Variants in PCDHGA1 observed in about 807,000 individuals in gnomAD.
The protein encoded by PCDHGA1 is protocadherin gamma-A1.
In PCDHGA1, 32 loss-of-function variants were observed where a neutral mutation model predicts 58.0. The observed-to-expected ratio is 0.55, with a 90% CI of 0.42 to 0.74. The LOEUF (loss-of-function observed/expected upper bound fraction) is 0.74. PCDHGA1 is among the 30% of genes least tolerant of loss of function. The probability of loss-of-function intolerance (pLI) is 0.00; values close to 1 mark genes in which losing one functional copy is unlikely to be tolerated. For synonymous variants in PCDHGA1, 498 were observed against 501.1 expected, an observed-to-expected ratio of 0.99 and a Z score of 0.08; for missense variants, 1,205 against 1,182.3, an observed-to-expected ratio of 1.02 and a Z score of -0.28.
At chr5:141,388,487 C>T in intron 1 of PCDHGA1, 1 of 1,613,776 alleles carries the variant, frequency 6.2e-7, no homozygotes, top group Non-Finnish European at 8.5e-7. Flanking sequence ...CACCTTTGGA[C>T]AGAGAAAAGC....
intron 2 of PCDHGA1, among the ~76,000 whole-genome samples, chr5:141,502,625 T>G (rs2099815384): frequency 6.6e-6 from 1 of 152,210 alleles, no homozygotes; most frequent in Admixed American, 6.5e-5. Context: ...ATAAGTAATC[T>G]GTGGATGATA....
chr5:141,385,131 C>A lies in PCDHGA1; in HGVS notation c.2421+52026C>A, dbSNP rs371376308. Reference sequence around the variant, plus strand: ...CCACCTCGCACTTTGTGGGCATGGACGGGGTGCAGGCTTTCCTGCAGACCT... The same window carrying A: ...CCACCTCGCACTTTGTGGGCATGGAAGGGGTGCAGGCTTTCCTGCAGACCT... On this transcript the variant is annotated intron_variant, in intron 1 of 3. Transcript: ENST00000517417. The A allele has an allele frequency of 1.2e-6, 2 of 1,614,200 alleles. No homozygotes were observed. Among genetic ancestry groups the A allele is most frequent in the Non-Finnish European group, 1.7e-6 (2 of 1,180,056 alleles).
At chr5:141,339,881 A>G in intron 1 of PCDHGA1, 3 of 1,614,212 alleles carry the variant, frequency 1.9e-6, no homozygotes, top group Middle Eastern at 1.6e-4. Context: ...ACTGACAATC[A>G]TAAAAGATCT....
intron 1 of PCDHGA1, chr5:141,339,355 T>A (rs1196465666): frequency 6.2e-7 from 1 of 1,614,088 alleles, no homozygotes; most frequent in Non-Finnish European, 8.5e-7. Flanking sequence ...ATATTAACGA[T>A]AATGCCCCTC....
At chr5:141,404,248 G>C (rs1404333144) in intron 1 of PCDHGA1, 10 of 1,613,694 alleles carry the variant, frequency 6.2e-6, no homozygotes, top group South Asian at 1.1e-5. Context: ...CTCCGCCCCT[G>C]TCCACAGAAA....
intron 1 of PCDHGA1, chr5:141,374,957 TTC>T (rs1770979960): frequency 6.2e-7 from 1 of 1,613,926 alleles, no homozygotes; most frequent in Non-Finnish European, 8.5e-7. Context: ...CTCACAAATT[TTC>T]TGTTTGAATG....
intron 1 of PCDHGA1, chr5:141,365,993 C>T (rs1267153888): frequency 6.2e-7 from 1 of 1,614,110 alleles, no homozygotes; most frequent in Non-Finnish European, 8.5e-7. Context: ...TGTGCTGGAC[C>T]AGAACGACAA....
At chr5:141,430,425 A>G (rs1298131518) in intron 1 of PCDHGA1, among the ~76,000 whole-genome samples, 3 of 152,076 alleles carry the variant, frequency 2.0e-5, no homozygotes, top group Non-Finnish European at 4.4e-5. Context: ...TAAAGCGAAT[A>G]CGGTAGATTT....
chr5:141,386,043 T>A (rs1356183154), intron 1 of PCDHGA1: 7 of 152,254 alleles, frequency 4.6e-5, no homozygotes, highest in Admixed American at 1.3e-4. Context: ...GGCAATTACA[T>A]GTTTTAACAG....
intron 1 of PCDHGA1, chr5:141,420,156 AT>A (rs755916873): frequency 6.2e-7 from 1 of 1,613,990 alleles, no homozygotes; most frequent in African/African-American, 1.3e-5. Flanking sequence ...CCAGAATTTA[AT>A]TTTTTCACAT....
At chr5:141,437,761 C>T (rs1200327020) in intron 1 of PCDHGA1, among the ~76,000 whole-genome samples, 1 of 144,680 alleles carries the variant, frequency 6.9e-6, no homozygotes, top group African/African-American at 2.6e-5. Context: ...TTTTTTGAGA[C>T]AGAGTCTCAA....
chr5:141,409,293 T>G, intron 1 of PCDHGA1: 1 of 1,613,992 alleles, frequency 6.2e-7, no homozygotes, highest in Non-Finnish European at 8.5e-7. Flanking sequence ...CCTCCAGGAA[T>G]GGTTGTTGCC....
intron 1 of PCDHGA1, among the ~76,000 whole-genome samples, chr5:141,368,620 T>A (rs1220390721): frequency 1.3e-5 from 2 of 152,198 alleles, no homozygotes; most frequent in Non-Finnish European, 2.9e-5. Context: ...TTTGGGTACA[T>A]TTCTTCTGAG....
chr5:141,360,577 C>T (rs546241238), intron 1 of PCDHGA1: 3 of 1,613,934 alleles, frequency 1.9e-6, no homozygotes, highest in East Asian at 4.5e-5. Context: ...ATCCACTAAG[C>T]CAGGTACAAC....
At chr5:141,364,871 G>C (rs775321480) in intron 1 of PCDHGA1, 2 of 1,614,010 alleles carry the variant, frequency 1.2e-6, no homozygotes, top group Non-Finnish European at 1.7e-6. Context: ...CTTCTCTCTG[G>C]ATGTGGTAAG....
chr5:141,465,923 C>A (rs908350232), intron 1 of PCDHGA1, among the ~76,000 whole-genome samples: 2 of 152,062 alleles, frequency 1.3e-5, no homozygotes, highest in African/African-American at 4.8e-5. Flanking sequence ...GATTTCGAGT[C>A]CATCCTGGCT....
chr5:141,484,277 G>T (rs1026083889), intron 1 of PCDHGA1, among the ~76,000 whole-genome samples: 1 of 152,126 alleles, frequency 6.6e-6, no homozygotes, highest in South Asian at 2.1e-4. Context: ...TTACTGTTTT[G>T]AAACATCTCC....
Position 141,388,684 on chromosome 5 carries a change from C to T in PCDHGA1, c.2421+55579C>T, listed in dbSNP as rs1458700152. 1.2e-5 allele frequency: 19 copies of T among 1,613,818 alleles called. No homozygotes were observed. Among genetic ancestry groups the T allele is most frequent in the African/African-American group, 2.7e-5 (2 of 74,912 alleles). On this transcript the variant is annotated intron_variant, in intron 1 of 3. Coordinates refer to ENST00000517417, the MANE Select transcript of PCDHGA1 (RefSeq NM_018912.3). ...ACCACGGTGCTACAGGTGACTGCCA[C>T]GGACCAGGATGAGGGTGTCAATGCC...
rs746088761 is a variant in PCDHGA1 at position 141,404,246 on chromosome 5, CT to C, written c.2421+71142del. 9.3e-6 allele frequency: 15 copies of C among 1,613,922 alleles called. 1 individual carries two copies. The highest frequency in any genetic ancestry group is 5.0e-5 in the Admixed American group (3 of 60,012). Reference sequence around the variant, plus strand: ...TGCAACAGACAGAGGAACTCCGCCCCTGTCCACAGAAATTCACATCACCCTG... The same window carrying C: ...TGCAACAGACAGAGGAACTCCGCCCCGTCCACAGAAATTCACATCACCCTG... On this transcript the variant is annotated intron_variant, in intron 1 of 3. Coordinates refer to ENST00000517417, the MANE Select transcript of PCDHGA1 (RefSeq NM_018912.3).
Sources: allele counts gnomAD v4.1 joint callset (sites outside exome capture counted in the v4.1 genomes callset), GRCh38; gene constraint gnomAD v4.1.1; transcripts MANE v1.5; gene names NCBI Gene and HGNC (gene_info 2026-07-23, HGNC 2026-07-21).